The following TFEC variants were observed in gnomAD, a reference collection of about 807,000 sequenced individuals.
TFEC encodes the protein transcription factor EC.
Under a neutral mutation model 41.6 loss-of-function variants are expected in TFEC, and 31 were observed. The ratio of observed to expected loss-of-function variants is 0.74; its 90% CI spans 0.56 to 1.01. TFEC has a LOEUF of 1.01. TFEC is among the 50% of genes least tolerant of loss of function. The probability of loss-of-function intolerance (pLI) is 0.00; values close to 1 mark genes in which losing one functional copy is unlikely to be tolerated. For synonymous variants in TFEC, 143 were observed against 140.6 expected, an observed-to-expected ratio of 1.02 and a Z score of -0.12; for missense variants, 402 against 404.1, an observed-to-expected ratio of 0.99 and a Z score of 0.04.
At chr7:116,064,997 A>T (rs1027350889) in intron 3 of TFEC, among the ~76,000 whole-genome samples, 2 of 152,180 alleles carry the variant, frequency 1.3e-5, no homozygotes, top group Non-Finnish European at 2.9e-5. Flanking sequence ...GACACAAGAC[A>T]CAAGAGTGGA....
At chr7:115,974,964 T>C (rs999749737) in intron 2 of TFEC, among the ~76,000 whole-genome samples, 13 of 152,024 alleles carry the variant, frequency 8.6e-5, no homozygotes, top group African/African-American at 3.1e-4. Context: ...ATACTTATAA[T>C]CACTCAATGA....
At chr7:116,005,038 G>T (rs980489083) in intron 1 of TFEC, among the ~76,000 whole-genome samples, 1 of 152,162 alleles carries the variant, frequency 6.6e-6, no homozygotes, top group South Asian at 2.1e-4. Context: ...TGTGAGACAT[G>T]CCTTTCACCT....
chr7:115,946,242 G>A (rs1271778364), intron 6 of TFEC, among the ~76,000 whole-genome samples: 1 of 150,410 alleles, frequency 6.6e-6, no homozygotes, highest in Non-Finnish European at 1.5e-5. Flanking sequence ...GTCTAAATTA[G>A]GCCTGAGCTC....
chr7:116,114,070 TAATTTA>T (rs1797917185), intron 1 of TFEC, among the ~76,000 whole-genome samples: 1 of 152,074 alleles, frequency 6.6e-6, no homozygotes. Flanking sequence ...CTCGTTATCT[TAATTTA>T]TTATCCTAAC....
intron 3 of TFEC, among the ~76,000 whole-genome samples, chr7:116,073,457 T>C (rs1378485958): frequency 6.6e-6 from 1 of 151,842 alleles, no homozygotes; most frequent in Non-Finnish European, 1.5e-5. Context: ...TTTTTCTTTT[T>C]TTTTTTATTA....
At chr7:116,066,304 G>T (rs1008774652) in intron 3 of TFEC, among the ~76,000 whole-genome samples, 2 of 152,098 alleles carry the variant, frequency 1.3e-5, no homozygotes, top group Non-Finnish European at 2.9e-5. Flanking sequence ...TACCTTGGTA[G>T]CTGCATTTCT....
intron 3 of TFEC, among the ~76,000 whole-genome samples, chr7:116,102,458 C>A (rs1797626099): frequency 6.6e-6 from 1 of 152,002 alleles, no homozygotes; most frequent in East Asian, 1.9e-4. Context: ...CCCAAGGACA[C>A]CAATGTGGAA....
At chr7:116,096,064 T>C (rs1797447261) in intron 3 of TFEC, among the ~76,000 whole-genome samples, 1 of 152,208 alleles carries the variant, frequency 6.6e-6, no homozygotes, top group African/African-American at 2.4e-5. Flanking sequence ...ACGTCTTAAA[T>C]ATAACTTTGT....
At chr7:116,045,495 C>T (rs1293273302) in intron 3 of TFEC, among the ~76,000 whole-genome samples, 1 of 152,196 alleles carries the variant, frequency 6.6e-6, no homozygotes, top group Non-Finnish European at 1.5e-5. Flanking sequence ...TTGGCAGCTT[C>T]CACTTGGTGT....
At position 115,936,519 on chromosome 7, in the gene TFEC, C is replaced by CA; in HGVS notation, c.*4031dup. On this transcript the variant is annotated 3_prime_UTR_variant, in exon 8 of 8. Coordinates refer to ENST00000265440, the MANE Select transcript of TFEC (RefSeq NM_012252.4). Reference sequence around the variant, plus strand: ...TAAAGTGTTTGAATAGGGTCAAAGACATTGTAAAAAAATTTGGAACACTTA... The same window carrying CA: ...TAAAGTGTTTGAATAGGGTCAAAGACAATTGTAAAAAAATTTGGAACACTTA... The CA allele has an allele frequency of 6.6e-6, 1 of 151,662 alleles. No individual in the cohort carries two copies. The highest frequency in any genetic ancestry group is 2.1e-4 in the South Asian group (1 of 4,818). 9.4% of individuals were successfully genotyped at this position (151,662 alleles called of 1,614,324 possible).
intron 3 of TFEC, among the ~76,000 whole-genome samples, chr7:115,965,078 C>G (rs1247793583): frequency 6.6e-6 from 1 of 151,522 alleles, no homozygotes; most frequent in Non-Finnish European, 1.5e-5. Flanking sequence ...AAATGCCTAA[C>G]TGGAGTTTTC....
intron 3 of TFEC, among the ~76,000 whole-genome samples, chr7:116,103,716 T>C (rs937317865): frequency 6.6e-6 from 1 of 152,154 alleles, no homozygotes; most frequent in Non-Finnish European, 1.5e-5. Flanking sequence ...AGTATCTATG[T>C]CTCCGGACAC....
intron 3 of TFEC, among the ~76,000 whole-genome samples, chr7:116,082,268 C>A (rs986665957): frequency 6.6e-6 from 1 of 151,704 alleles, no homozygotes; most frequent in Non-Finnish European, 1.5e-5. Flanking sequence ...GCAAATTCTC[C>A]CAGTGCCTGC....
At chr7:115,963,999 T>C (rs879105562) in intron 3 of TFEC, among the ~76,000 whole-genome samples, 1 of 151,674 alleles carries the variant, frequency 6.6e-6, no homozygotes, top group African/African-American at 2.4e-5. Flanking sequence ...CTATTTTCAC[T>C]ACTTCTCTTC....
Position 116,049,434 on chromosome 7 carries a change from A to C in TFEC, c.198+61274T>G, listed in dbSNP as rs542353817. 8.2e-3 allele frequency among the ~76,000 whole-genome samples: 1,242 copies of C among 152,302 alleles called. 13 individuals are homozygous for C. The highest frequency in any genetic ancestry group is 0.025 in the African/African-American group (1,058 of 41,564). ...CAATTCAACAAGAAGAGCTAACTATACTAAATATATATGCACCCAATACAA... is the reference window on the plus strand; with the variant it reads ...CAATTCAACAAGAAGAGCTAACTATCCTAAATATATATGCACCCAATACAA... On this transcript the variant is annotated intron_variant, in intron 3 of 8. Transcript: ENST00000484212.
At chr7:115,942,420 T>G (rs964057935) in intron 6 of TFEC, among the ~76,000 whole-genome samples, 3 of 152,014 alleles carry the variant, frequency 2.0e-5, no homozygotes, top group East Asian at 3.9e-4. Flanking sequence ...ACTGAGGACT[T>G]AAGCCTAAAT....
chr7:115,976,385 A>G (rs934497508), intron 2 of TFEC, among the ~76,000 whole-genome samples: 2 of 152,180 alleles, frequency 1.3e-5, no homozygotes, highest in Admixed American at 1.3e-4. Context: ...AGATTGCACC[A>G]CTGCACTCCA....
At chr7:115,976,463 A>G (rs1308715091) in intron 2 of TFEC, among the ~76,000 whole-genome samples, 1 of 152,130 alleles carries the variant, frequency 6.6e-6, no homozygotes, top group African/African-American at 2.4e-5. Flanking sequence ...ATTTGTACTA[A>G]CTTTAAATTC....
chr7:116,046,764 A>C (rs1375140540), intron 3 of TFEC, among the ~76,000 whole-genome samples: 1 of 152,212 alleles, frequency 6.6e-6, no homozygotes, highest in Admixed American at 6.5e-5. Flanking sequence ...CTAACTGCAC[A>C]ACATATAATT....
Sources: gnomAD v4.1 joint callset for allele counts (sites outside exome capture counted in the v4.1 genomes callset) on GRCh38, gnomAD v4.1.1 for gene constraint, MANE v1.5 for transcripts, NCBI Gene and HGNC (gene_info 2026-07-23, HGNC 2026-07-21) for gene names.